SEC14L1: variants seen among roughly 807,000 people sequenced by gnomAD.
SEC14L1 encodes the protein SEC14-like protein 1.
SEC14L1 carries 48 observed loss-of-function variants against 85.3 expected under a neutral mutation model. The ratio of observed to expected loss-of-function variants is 0.56; its 90% CI spans 0.45 to 0.72. The LOEUF is 0.72. Among genes scored for constraint, SEC14L1 ranks in the 30% least tolerant of loss-of-function variants. The probability of loss-of-function intolerance (pLI) is 0.00; values close to 1 mark genes in which losing one functional copy is unlikely to be tolerated. For missense variants in SEC14L1, 682 were observed against 921.4 expected (o/e 0.74, Z 3.36); for synonymous variants, 391 against 355.5 (o/e 1.10, Z -1.12).
intron 3 of SEC14L1, among the ~76,000 whole-genome samples, chr17:77,183,901 A>G (rs756032291): frequency 2.4e-4 from 37 of 151,202 alleles, no homozygotes; most frequent in Non-Finnish European, 4.0e-4. Flanking sequence ...TTGTCTGATG[A>G]TTTCCTCCCG....
chr17:77,168,135 G>A (rs910896226), intron 3 of SEC14L1, among the ~76,000 whole-genome samples: 6 of 152,272 alleles, frequency 3.9e-5, no homozygotes, highest in Middle Eastern at 3.4e-3. Flanking sequence ...TACGGTACGG[G>A]GCATGTCGGG....
At chr17:77,169,972 T>C (rs1974454691) in intron 3 of SEC14L1, among the ~76,000 whole-genome samples, 1 of 152,156 alleles carries the variant, frequency 6.6e-6, no homozygotes, top group Non-Finnish European at 1.5e-5. Context: ...TCTCCCTAAG[T>C]ATCACAGAAC....
In SEC14L1 at chr17:77,206,707, A is replaced by C. The variant is rs555756768; in HGVS notation, c.1342-21A>C. The C allele has an allele frequency of 3.7e-5, 58 of 1,579,390 alleles. No individual in the cohort carries two copies. In the South Asian group the frequency reaches 6.1e-4, roughly 17 times the overall value. On this transcript the variant is annotated intron_variant, in intron 12 of 16. Transcript: ENST00000436233. The surrounding 1 kb of genome is among the most constrained non-coding windows in gnomAD (Gnocchi z 4.3). Reference sequence around the variant, plus strand: ...TCAGGCAGCAGAGAAATATGACTGCATGGTCTTCTCCTCCTCACAGGTTAG... The same window carrying C: ...TCAGGCAGCAGAGAAATATGACTGCCTGGTCTTCTCCTCCTCACAGGTTAG...
intron 10 of SEC14L1, among the ~76,000 whole-genome samples, chr17:77,204,983 G>A (rs1458864523): frequency 6.6e-6 from 1 of 152,178 alleles, no homozygotes; most frequent in Non-Finnish European, 1.5e-5. Flanking sequence ...TTGTTCTGAA[G>A]ACAGAGCCCC....
intron 3 of SEC14L1, among the ~76,000 whole-genome samples, chr17:77,147,316 A>G (rs942837487): frequency 6.6e-6 from 1 of 152,166 alleles, no homozygotes; most frequent in Non-Finnish European, 1.5e-5. Flanking sequence ...CAGATATGTT[A>G]ATTGCATCTC....
At chr17:77,113,712 C>T (rs1972101630) in intron 3 of SEC14L1, among the ~76,000 whole-genome samples, 1 of 152,146 alleles carries the variant, frequency 6.6e-6, no homozygotes, top group South Asian at 2.1e-4. Context: ...CGCCACTGCA[C>T]TCCAGCCTGG....
chr17:77,206,351 G>A lies in SEC14L1; in HGVS notation c.1292G>A (p.Arg431His). ...GCCAACTACCCTGAGACACTGGGCC[G>A]CCTTCTCATCCTGCGGGCGCCCAGG... ...VEANYPETLG[R>H]LLILRAPRVF... is the part of the protein sequence containing the mutation. The change falls in exon 12 of 17, where the codon CGC (arginine) becomes CAC (histidine). Residue 431 changes from arginine to histidine, a missense_variant. By Grantham distance (29) the Arg-to-His change is conservative. This residue lies in a region of SEC14L1 where 420 missense variants were observed against 619.5 expected (regional missense o/e 0.68). Transcript: ENST00000436233. This position sits in a 1 kb window ranked among gnomAD's most constrained non-coding sequence, Gnocchi z 4.3. 1 of 1,614,126 alleles carries A rather than the reference G, an allele frequency of 6.2e-7. No homozygotes were observed. The highest frequency in any genetic ancestry group is 8.5e-7 in the Non-Finnish European group (1 of 1,180,026).
chr17:77,203,584 T>C lies in SEC14L1; in HGVS notation c.1024T>C (p.Tyr342His). 1 of 1,613,724 alleles carries C rather than the reference T, an allele frequency of 6.2e-7. No individual in the cohort carries two copies. The highest frequency in any genetic ancestry group is 1.1e-5 in the South Asian group (1 of 91,014). The change falls in exon 10 of 17, where the codon TAC becomes CAC. Residue 342 changes from tyrosine (Y) to histidine (H), a missense_variant. Transcript: ENST00000436233. ...HHHDKDGRPLYVLRLGQMDTK... is the reference protein window; with the variant it reads ...HHHDKDGRPLHVLRLGQMDTK... ...CTCCTCTGCAGATGGGCGGCCCCTC[T>C]ACGTGCTCAGGCTGGGGCAGATGGA...
rs1238054749 is a variant in SEC14L1 at position 77,193,485 on chromosome 17, T to C, written c.410T>C (p.Phe137Ser). Residue 137 changes from phenylalanine (F) to serine (S), a missense_variant, in exon 6 of 17, where the codon TTC (phenylalanine) becomes TCC (serine). Coordinates refer to ENST00000436233, the MANE Select transcript of SEC14L1 (RefSeq NM_001143998.2). ...EQSASLDIKSFFGFESTVEKI... is the reference protein window; with the variant it reads ...EQSASLDIKSSFGFESTVEKI... The stretch of plus-strand genomic sequence containing the variant: ...TCTGCAAGTTTAGATATTAAATCTT[T>C]CTTTGGTTTTGAAAGTACAGTGGAA... The C allele has an allele frequency of 3.1e-6, 5 of 1,613,018 alleles. No homozygotes were observed. The highest frequency in any genetic ancestry group is 3.3e-5 in the Admixed American group (2 of 59,954).
intron 3 of SEC14L1, among the ~76,000 whole-genome samples, chr17:77,173,285 A>G (rs1400343538): frequency 6.6e-6 from 1 of 151,778 alleles, no homozygotes; most frequent in African/African-American, 2.4e-5. Flanking sequence ...TCTGTCTCGC[A>G]CCGAAGTCTT....
At chr17:77,099,016 A>C (rs959591404) in intron 3 of SEC14L1, 11 of 151,588 alleles carry the variant, frequency 7.3e-5, no homozygotes, top group African/African-American at 2.4e-4. Flanking sequence ...TTTTTTTTTC[A>C]GATCAATTAT....
chr17:77,198,369 G>A (rs1283695252), intron 8 of SEC14L1, among the ~76,000 whole-genome samples: 1 of 152,024 alleles, frequency 6.6e-6, no homozygotes, highest in East Asian at 1.9e-4. Flanking sequence ...TGGCATTTAC[G>A]ATCTTTGTGA....
chr17:77,101,839 T>A (rs995711075), intron 3 of SEC14L1, among the ~76,000 whole-genome samples: 1 of 152,188 alleles, frequency 6.6e-6, no homozygotes, highest in South Asian at 2.1e-4. Context: ...TTGATGTAAT[T>A]CCTTTAAACC....
At chr17:77,105,373 A>ACCCCCCCCCCCCCCC (rs796673679) in intron 3 of SEC14L1, among the ~76,000 whole-genome samples, 5 of 82,376 alleles carry the variant, frequency 6.1e-5, no homozygotes, top group Non-Finnish European at 7.1e-5. Flanking sequence ...CTCGCTGACC[A>ACCCCCCCCCCCCCCC]CCCCCCCCCC....
intron 3 of SEC14L1, among the ~76,000 whole-genome samples, chr17:77,123,676 G>C (rs1055853045): frequency 6.6e-6 from 1 of 151,780 alleles, no homozygotes; most frequent in African/African-American, 2.4e-5. Flanking sequence ...GCCTCCCAAA[G>C]TGTTGGGATT....
rs745800524 is a variant in SEC14L1, at chr17:77,209,310, C to T, written c.1477-32C>T. On this transcript the variant is annotated intron_variant, in intron 13 of 16. Transcript: ENST00000436233. Reference sequence around the variant, plus strand: ...GTTTCGTGGGGTTGGTTTGTGTTTGCACAGGTTTCACTGCTGTGTTTCTTC... The same window carrying T: ...GTTTCGTGGGGTTGGTTTGTGTTTGTACAGGTTTCACTGCTGTGTTTCTTC... 1.9e-6 allele frequency: 3 copies of T among 1,612,192 alleles called. No individual in the cohort carries two copies. The South Asian group carries it at 3.3e-5, about 18-fold the overall frequency.
chr17:77,091,555 C>T (rs1196264786), intron 2 of SEC14L1, among the ~76,000 whole-genome samples: 2 of 152,188 alleles, frequency 1.3e-5, no homozygotes, highest in Non-Finnish European at 1.5e-5. Context: ...CCACATGTAG[C>T]TGTTGAGCAT....
At chr17:77,196,106 C>T in intron 7 of SEC14L1, 96 bp from the exon 8 acceptor site, 1 of 920,056 alleles carries the variant, frequency 1.1e-6, no homozygotes, top group Non-Finnish European at 1.8e-6. Flanking sequence ...GCCTCTAGGA[C>T]TCTAGGACCA....
intron 3 of SEC14L1, among the ~76,000 whole-genome samples, chr17:77,098,085 A>G (rs56159785): frequency 0.021 from 3,191 of 152,292 alleles, 70 homozygotes; most frequent in Admixed American, 0.053. Flanking sequence ...GGGGCCTCAC[A>G]TGGAGGAAAG....
Sources: allele counts gnomAD v4.1 joint callset (sites outside exome capture counted in the v4.1 genomes callset), GRCh38; gene constraint gnomAD v4.1.1; regional missense constraint gnomAD v4.1.1; non-coding constraint Gnocchi (gnomAD v3.1); transcripts MANE v1.5; gene names NCBI Gene and HGNC (gene_info 2026-07-23, HGNC 2026-07-21).